Variants in ZNF804B observed in about 807,000 individuals in gnomAD.
ZNF804B encodes zinc finger 804B.
Under a neutral mutation model 101.4 loss-of-function variants are expected in ZNF804B, and 80 were observed. The observed-to-expected ratio is 0.79, with a 90% CI of 0.66 to 0.95. The LOEUF (loss-of-function observed/expected upper bound fraction) is 0.95, where lower values mean the gene tolerates loss of function less well. Among genes scored for constraint, ZNF804B ranks in the 40% least tolerant of loss-of-function variants. The pLI is 0.00. For missense variants in ZNF804B, 1,673 were observed against 1,561.9 expected (o/e 1.07, Z -1.20); for synonymous variants, 622 against 558.8 (o/e 1.11, Z -1.59).
intron 1 of ZNF804B, among the ~76,000 whole-genome samples, chr7:88,845,076 A>G (rs1489231572): frequency 6.6e-6 from 1 of 152,126 alleles, no homozygotes; most frequent in African/African-American, 2.4e-5. Context: ...GCTTCTGGAA[A>G]ACTTACAAAG....
At chr7:88,913,897 A>G (rs889174051) in intron 1 of ZNF804B, among the ~76,000 whole-genome samples, 3 of 152,234 alleles carry the variant, frequency 2.0e-5, no homozygotes, top group Non-Finnish European at 2.9e-5. Context: ...CTAAGAGGCA[A>G]TAACATTATA....
At chr7:89,254,652 T>TTA in intron 2 of ZNF804B, among the ~76,000 whole-genome samples, 2 of 106,718 alleles carry the variant, frequency 1.9e-5, no homozygotes, top group African/African-American at 7.5e-5. Context: ...ATTTTTATTA[T>TTA]TTTTTTTTTT....
chr7:88,787,974 C>T (rs1056610899), intron 1 of ZNF804B, among the ~76,000 whole-genome samples: 3 of 152,042 alleles, frequency 2.0e-5, no homozygotes, highest in African/African-American at 4.8e-5. Flanking sequence ...GGCTGTCAAT[C>T]ATAAAAAGAA....
chr7:88,825,671 C>T (rs1407542532), intron 1 of ZNF804B, among the ~76,000 whole-genome samples: 1 of 152,144 alleles, frequency 6.6e-6, no homozygotes, highest in African/African-American at 2.4e-5. Flanking sequence ...ATTTTTCTCA[C>T]TTTTTATAAA....
chr7:88,927,353 C>G (rs1792819763), intron 1 of ZNF804B, among the ~76,000 whole-genome samples: 1 of 152,294 alleles, frequency 6.6e-6, no homozygotes, highest in Non-Finnish European at 1.5e-5. Context: ...ACTACTGACA[C>G]TTGAAATAGC....
In ZNF804B at chr7:88,759,912, C is replaced by T. The variant is rs958790715; in HGVS notation, c.-65C>T. On this transcript the variant is annotated 5_prime_UTR_variant, in exon 1 of 4. Transcript: ENST00000333190. ...TAGTCGCTGTTGCCGCTGAGAAACC[C>T]GCCCGCTTTCCACGGCTGGTCGCCT... The T allele has an allele frequency of 4.1e-6, 6 of 1,450,752 alleles. No homozygotes were observed. The highest frequency in any genetic ancestry group is 1.1e-5 in the South Asian group (1 of 87,108). The allele number at this position is 1,450,752 out of a possible 1,614,324, so 89.9% of individuals were successfully genotyped here.
intron 1 of ZNF804B, among the ~76,000 whole-genome samples, chr7:89,088,701 C>T (rs1429624350): frequency 1.3e-5 from 2 of 150,302 alleles, no homozygotes; most frequent in African/African-American, 2.5e-5. Flanking sequence ...CCCTGTCATG[C>T]TCCATGTCCT....
chr7:89,159,820 G>A (rs535438942), intron 1 of ZNF804B, among the ~76,000 whole-genome samples: 2 of 152,136 alleles, frequency 1.3e-5, no homozygotes, highest in South Asian at 4.2e-4. Flanking sequence ...TTTCGTCTAG[G>A]GAAGGTTAAA....
intron 1 of ZNF804B, among the ~76,000 whole-genome samples, chr7:88,813,104 A>G (rs1266460089): frequency 1.3e-5 from 2 of 152,186 alleles, no homozygotes; most frequent in Non-Finnish European, 2.9e-5. Flanking sequence ...TAATTTTAAA[A>G]TTAAAAAATA....
chr7:88,954,488 A>C (rs1793272282), intron 1 of ZNF804B, among the ~76,000 whole-genome samples: 1 of 151,656 alleles, frequency 6.6e-6, no homozygotes, highest in Non-Finnish European at 1.5e-5. Flanking sequence ...CTTAAAAGTT[A>C]AATGTTACGT....
At chr7:88,784,484 T>C (rs1790271660) in intron 1 of ZNF804B, among the ~76,000 whole-genome samples, 2 of 152,144 alleles carry the variant, frequency 1.3e-5, no homozygotes, top group African/African-American at 4.8e-5. Context: ...GGGGCCACAA[T>C]TGGACATTGA....
intron 1 of ZNF804B, among the ~76,000 whole-genome samples, chr7:88,976,867 G>A (rs183551142): frequency 2.6e-5 from 4 of 151,732 alleles, no homozygotes; most frequent in Admixed American, 2.6e-4. Context: ...TACTACCAGT[G>A]GGTCTGTGGT....
At chr7:89,039,866 T>C (rs1194231678) in intron 1 of ZNF804B, among the ~76,000 whole-genome samples, 1 of 152,076 alleles carries the variant, frequency 6.6e-6, no homozygotes, top group Non-Finnish European at 1.5e-5. Context: ...AGAGTTTCTT[T>C]CATATGTGAT....
intron 1 of ZNF804B, among the ~76,000 whole-genome samples, chr7:89,024,726 T>G (rs1374871404): frequency 6.8e-6 from 1 of 147,138 alleles, no homozygotes; most frequent in African/African-American, 2.5e-5. Flanking sequence ...TGTCTAGAAG[T>G]CCTGGCTGAT....
At chr7:88,997,939 T>A (rs1486423225) in intron 1 of ZNF804B, among the ~76,000 whole-genome samples, 1 of 152,070 alleles carries the variant, frequency 6.6e-6, no homozygotes, top group Non-Finnish European at 1.5e-5. Flanking sequence ...CATTCTCTTA[T>A]GTTGTGTCTT....
chr7:89,002,408 T>G (rs564314464), intron 1 of ZNF804B, among the ~76,000 whole-genome samples: 2 of 152,068 alleles, frequency 1.3e-5, no homozygotes, highest in Non-Finnish European at 2.9e-5. Context: ...GCTTGCATTT[T>G]TCTTGCTTTT....
At chr7:88,970,945 G>A (rs1280116594) in intron 1 of ZNF804B, among the ~76,000 whole-genome samples, 1 of 148,870 alleles carries the variant, frequency 6.7e-6, no homozygotes, top group Non-Finnish European at 1.5e-5. Flanking sequence ...TTGTGCACAT[G>A]TACCCTAAAA....
rs941633692 is a variant in ZNF804B at position 89,039,977 on chromosome 7, A to G, written c.109-178178A>G. Among the ~76,000 whole-genome samples the G allele has an allele frequency of 1.1e-4, 16 of 152,048 alleles. No homozygotes were observed. The South Asian group carries it at 1.2e-3, about 12-fold the overall frequency. ...ATGATGATCTGTTTATGTTTAATCTATTTTGGGTTTTTTGATCATCATGGA... is the reference window on the plus strand; with the variant it reads ...ATGATGATCTGTTTATGTTTAATCTGTTTTGGGTTTTTTGATCATCATGGA... On this transcript the variant is annotated intron_variant, in intron 1 of 3. Coordinates refer to ENST00000333190, the MANE Select transcript of ZNF804B (RefSeq NM_181646.5).
chr7:88,816,721 A>G (rs1215443047), intron 1 of ZNF804B, among the ~76,000 whole-genome samples: 3 of 142,538 alleles, frequency 2.1e-5, no homozygotes, highest in Non-Finnish European at 3.0e-5. Context: ...ATCATTAAAA[A>G]GTCAGGAAAC....
Sources: allele counts gnomAD v4.1 joint callset (sites outside exome capture counted in the v4.1 genomes callset), GRCh38; gene constraint gnomAD v4.1.1; transcripts MANE v1.5; gene names NCBI Gene and HGNC (gene_info 2026-07-23, HGNC 2026-07-21).